The following TMEM220 variants were observed in gnomAD, a reference collection of about 807,000 sequenced individuals.
TMEM220 encodes transmembrane protein 220.
TMEM220 carries 21 observed loss-of-function variants against 21.7 expected under a neutral mutation model. That is an observed-to-expected ratio of 0.97 (90% CI 0.69 to 1.39). TMEM220 has a LOEUF of 1.39. Among genes scored for constraint, TMEM220 ranks in the 40% most tolerant of loss-of-function variants. The probability of loss-of-function intolerance (pLI) is 0.00; values close to 1 mark genes in which losing one functional copy is unlikely to be tolerated. For missense variants in TMEM220, 191 were observed against 201.9 expected, an observed-to-expected ratio of 0.95 and a Z score of 0.33; for synonymous variants, 80 against 73.6, an observed-to-expected ratio of 1.09 and a Z score of -0.45.
At chr17:10,725,533 T>C (rs985861615) in intron 3 of TMEM220, among the ~76,000 whole-genome samples, 1 of 152,200 alleles carries the variant, frequency 6.6e-6, no homozygotes, top group Non-Finnish European at 1.5e-5. Flanking sequence ...TCTGAGACTT[T>C]GGTAGAGTGA....
chr17:10,724,301 G>C lies in TMEM220; in HGVS notation c.287+710C>G, dbSNP rs562540265. On this transcript the variant is annotated intron_variant, in intron 4 of 5. Coordinates refer to ENST00000341871, the MANE Select transcript of TMEM220 (RefSeq NM_001004313.3). ...GTTGACTTAAAGTACTGATCTTTTG[G>C]CTGGGTGCGGTGGCTCATGCCTGTA... Among the ~76,000 whole-genome samples, 4 of 152,282 alleles carry C rather than the reference G, an allele frequency of 2.6e-5. No homozygotes were observed. In the East Asian group the frequency reaches 7.7e-4, roughly 29 times the overall value.
At chr17:10,721,618 AAGAAAAAAAG>A (rs1567586194) in intron 5 of TMEM220, among the ~76,000 whole-genome samples, 1 of 53,792 alleles carries the variant, frequency 1.9e-5, no homozygotes, top group Non-Finnish European at 3.5e-5. Flanking sequence ...AAAAAAAAAA[AAGAAAAAAAG>A]AAAAAAAAGA....
At chr17:10,717,373 A>C (rs556939046) in intron 5 of TMEM220, among the ~76,000 whole-genome samples, 26 of 152,330 alleles carry the variant, frequency 1.7e-4, no homozygotes, top group African/African-American at 6.0e-4. Flanking sequence ...AAGAGCTTTT[A>C]ACATAAATGG....
chr17:10,719,511 C>T (rs770778386), intron 5 of TMEM220, among the ~76,000 whole-genome samples: 5 of 152,074 alleles, frequency 3.3e-5, no homozygotes, highest in Non-Finnish European at 7.4e-5. Flanking sequence ...GTGATCTGCC[C>T]GCCTCAGCCT....
At chr17:10,723,772 ATAC>A (rs4056365) in intron 4 of TMEM220, among the ~76,000 whole-genome samples, 74,593 of 151,796 alleles carry the variant, frequency 0.49, 19,004 homozygotes, top group African/African-American at 0.63. Flanking sequence ...ATCTGTGTAT[ATAC>A]TACAAGAGAT....
chr17:10,716,830 A>G (rs919695873), intron 5 of TMEM220, among the ~76,000 whole-genome samples: 2 of 152,152 alleles, frequency 1.3e-5, no homozygotes, highest in African/African-American at 4.8e-5. Flanking sequence ...TTTTGTCATT[A>G]TATGTTTAGC....
chr17:10,726,658 G>C (rs1404438561), intron 2 of TMEM220, among the ~76,000 whole-genome samples: 1 of 152,216 alleles, frequency 6.6e-6, no homozygotes, highest in Non-Finnish European at 1.5e-5. Context: ...CACGATGCTA[G>C]ATGGCCCTGC....
At chr17:10,722,075 C>T (rs562667332) in intron 5 of TMEM220, among the ~76,000 whole-genome samples, 61 of 151,438 alleles carry the variant, frequency 4.0e-4, no homozygotes, top group African/African-American at 1.4e-3. Flanking sequence ...TCACTGCAAC[C>T]TCCGACTCCC....
rs2074871084 is a variant in TMEM220 at position 10,713,533 on chromosome 17, A to G, written c.*1920T>C. 1 of 139,190 alleles carries G rather than the reference A, an allele frequency of 7.2e-6. No individual in the cohort carries two copies. The highest frequency in any genetic ancestry group is 1.5e-5 in the Non-Finnish European group (1 of 65,158). The allele number at this position is 139,190 out of a possible 1,614,324, so 8.6% of individuals were successfully genotyped here. On this transcript the variant is annotated 3_prime_UTR_variant, in exon 6 of 6. Transcript: ENST00000341871. ...GACTTGGTCAATGGATAGAGCCCAC[A>G]GGGAATTTGCAAATGAGTCTGTTTT... is the stretch of plus-strand genomic sequence containing the variant.
intron 5 of TMEM220, among the ~76,000 whole-genome samples, chr17:10,717,819 C>T (rs957165175): frequency 1.3e-5 from 2 of 151,634 alleles, no homozygotes; most frequent in African/African-American, 2.4e-5. Flanking sequence ...ATTATGAACT[C>T]GATTTTTTTT....
At chr17:10,727,980 G>C (rs1222009701) in intron 2 of TMEM220, among the ~76,000 whole-genome samples, 1 of 152,106 alleles carries the variant, frequency 6.6e-6, no homozygotes. Flanking sequence ...GACCAACATG[G>C]AGAAACCCTG....
chr17:10,716,583 C>T, intron 5 of TMEM220: 1 of 497,484 alleles, frequency 2.0e-6, no homozygotes, highest in South Asian at 1.6e-5. Flanking sequence ...ACCCAACACT[C>T]TGTTTTGCTT....
At position 10,723,250 on chromosome 17, in the gene TMEM220, G is replaced by GTGATTTTAAC. The variant is rs548285440; in HGVS notation, c.347+19_347+20insGTTAAAATCA. On this transcript the variant is annotated intron_variant, in intron 5 of 5. Coordinates refer to ENST00000341871, the MANE Select transcript of TMEM220 (RefSeq NM_001004313.3). ...CGCCTCGGCCTCCCAAAGTGAAGAT[G>GTGATTTTAAC]TGATGAGTTGAATACTTACTTTGAG... is the stretch of plus-strand genomic sequence containing the variant. 1,130 of 1,611,786 alleles carry GTGATTTTAAC rather than the reference G, an allele frequency of 7.0e-4. 15 individuals carry two copies. The East Asian group carries it at 0.019, about 27-fold the overall frequency.
At chr17:10,722,794 G>A (rs1255697265) in intron 5 of TMEM220, among the ~76,000 whole-genome samples, 1 of 152,096 alleles carries the variant, frequency 6.6e-6, no homozygotes, top group African/African-American at 2.4e-5. Flanking sequence ...GCTGACAACT[G>A]CCCATGACTA....
At chr17:10,727,030 TG>T (rs2075056703) in intron 2 of TMEM220, among the ~76,000 whole-genome samples, 2 of 152,106 alleles carry the variant, frequency 1.3e-5, no homozygotes, top group Admixed American at 1.3e-4. Context: ...GGGGTCCATG[TG>T]GGAGGTAGTG....
At position 10,715,260 on chromosome 17, in the gene TMEM220, C is replaced by G. The variant is rs2074897653; in HGVS notation, c.*193G>C. On this transcript the variant is annotated 3_prime_UTR_variant, in exon 6 of 6. Coordinates refer to ENST00000341871, the MANE Select transcript of TMEM220 (RefSeq NM_001004313.3). ...GACACAAGACCCTGCAGAAAGTCGT[C>G]TGGAAAATATCAGACCATCTCTTAC... 4.2e-6 allele frequency: 2 copies of G among 475,314 alleles called. No homozygotes were observed. Among genetic ancestry groups the G allele is most frequent in the Non-Finnish European group, 7.3e-6 (2 of 272,996 alleles). The allele number at this position is 475,314 out of a possible 1,614,324, so 29.4% of individuals were successfully genotyped here.
rs1000033580 is a variant in TMEM220 at position 10,729,953 on chromosome 17, C to T, written c.-102G>A. On this transcript the variant is annotated 5_prime_UTR_variant, in exon 1 of 6. Coordinates refer to ENST00000341871, the MANE Select transcript of TMEM220 (RefSeq NM_001004313.3). ...TCCTCCTTGCGCGGAGGGACCGAGA[C>T]CCCCGCCTCGGTTTCGGTGCCTTGG... 506 of 1,232,524 alleles carry T rather than the reference C, an allele frequency of 4.1e-4. No individual in the cohort carries two copies. The highest frequency in any genetic ancestry group is 8.5e-4 in the Admixed American group (20 of 23,586). The allele number at this position is 1,232,524 out of a possible 1,614,324, so 76.3% of individuals were successfully genotyped here.
intron 5 of TMEM220, 85 bp from the exon 6 acceptor site, chr17:10,715,673 A>G (rs2074907922): frequency 6.8e-6 from 7 of 1,027,370 alleles, no homozygotes; most frequent in Admixed American, 6.9e-5. Flanking sequence ...AAAACACATA[A>G]TTACATTTTA....
chr17:10,721,535 G>C (rs899606601), intron 5 of TMEM220, among the ~76,000 whole-genome samples: 1 of 148,608 alleles, frequency 6.7e-6, no homozygotes, highest in Non-Finnish European at 1.5e-5. Context: ...AACCCGGGAG[G>C]CAGAGGTTGT....
Sources: gnomAD v4.1 joint callset for allele counts (sites outside exome capture counted in the v4.1 genomes callset) on GRCh38, gnomAD v4.1.1 for gene constraint, MANE v1.5 for transcripts, NCBI Gene and HGNC (gene_info 2026-07-23, HGNC 2026-07-21) for gene names.